The following AKAP7 variants were observed in gnomAD, a reference collection of about 807,000 sequenced individuals.
AKAP7 encodes the protein A kinase (PRKA) anchor protein 7.
Under a neutral mutation model 39.5 loss-of-function variants are expected in AKAP7, and 39 were observed. The ratio of observed to expected loss-of-function variants is 0.99; its 90% CI spans 0.76 to 1.29. The LOEUF (loss-of-function observed/expected upper bound fraction) is 1.29, where lower values mean the gene tolerates loss of function less well. AKAP7 is among the 50% of genes most tolerant of loss of function. AKAP7 has a pLI of 0.00. For synonymous variants in AKAP7, 140 were observed against 139.1 expected (o/e 1.01, Z -0.05); for missense variants, 414 against 407.7 (o/e 1.02, Z -0.13).
At chr6:131,238,391 G>C (rs997076348) in intron 7 of AKAP7, among the ~76,000 whole-genome samples, 2 of 152,134 alleles carry the variant, frequency 1.3e-5, no homozygotes, top group Non-Finnish European at 2.9e-5. Context: ...TGTTGATTTG[G>C]GGTAGAGAGT....
intron 7 of AKAP7, among the ~76,000 whole-genome samples, chr6:131,256,922 A>G (rs1812912283): frequency 6.7e-6 from 1 of 150,112 alleles, no homozygotes; most frequent in African/African-American, 2.4e-5. Flanking sequence ...TAAAAAATAA[A>G]AGATAAGCAG....
Position 131,281,855 on chromosome 6 carries a change from A to G in AKAP7, c.*129A>G. On this transcript the variant is annotated 3_prime_UTR_variant, in exon 8 of 8. Coordinates refer to ENST00000431975, the MANE Select transcript of AKAP7 (RefSeq NM_016377.4). The surrounding 1 kb of genome is among the most constrained non-coding windows in gnomAD (Gnocchi z 4.0). Reference sequence around the variant, plus strand: ...GTGCAATCTGTGAAGATTGCCTAATACTTTTCATGATCGATGTGTTCGCAT... The same window carrying G: ...GTGCAATCTGTGAAGATTGCCTAATGCTTTTCATGATCGATGTGTTCGCAT... The G allele has an allele frequency of 7.7e-7, 1 of 1,301,804 alleles. No homozygotes were observed. 80.6% of individuals were successfully genotyped at this position (1,301,804 alleles called of 1,614,324 possible).
At chr6:131,249,123 C>T (rs777059095) in intron 7 of AKAP7, among the ~76,000 whole-genome samples, 1 of 152,080 alleles carries the variant, frequency 6.6e-6, no homozygotes, top group African/African-American at 2.4e-5. Flanking sequence ...ATAGACCTGC[C>T]AGTTTAATCA....
intron 2 of AKAP7, among the ~76,000 whole-genome samples, chr6:131,159,483 TAAAAG>T (rs751916529): frequency 1.1e-4 from 17 of 152,170 alleles, no homozygotes; most frequent in African/African-American, 2.2e-4. Context: ...GAAAATGAAA[TAAAAG>T]AAAAGACCTA....
rs1162098710 is a variant in AKAP7 at position 131,241,611 on chromosome 6, G to GTATATATATATA, written c.850+21804_850+21805insATATATATATAT. ...TGTGTGTGTGTGTGTGTGTGTGTGTGTGTGTGTGTGTGTGTGTATATATAT... is the reference window on the plus strand; with the variant it reads ...TGTGTGTGTGTGTGTGTGTGTGTGTGTATATATATATATGTGTGTGTGTGTGTGTATATATAT... On this transcript the variant is annotated intron_variant, in intron 7 of 7. Transcript: ENST00000431975. Among the ~76,000 whole-genome samples, 362 of 99,700 alleles carry GTATATATATATA rather than the reference G, an allele frequency of 3.6e-3. 7 individuals carry two copies. Among genetic ancestry groups the GTATATATATATA allele is most frequent in the Middle Eastern group, 0.019 (3 of 160 alleles). 65.4% of individuals were successfully genotyped at this position (99,700 alleles called of 152,430 possible).
chr6:131,167,577 A>G (rs906455592), intron 4 of AKAP7, among the ~76,000 whole-genome samples: 1 of 152,204 alleles, frequency 6.6e-6, no homozygotes, highest in Non-Finnish European at 1.5e-5. Context: ...TTGGATGAAC[A>G]TAACTACAGT....
At chr6:131,187,956 A>G (rs1209159) in intron 5 of AKAP7, among the ~76,000 whole-genome samples, 45,710 of 152,062 alleles carry the variant, frequency 0.3, 7,461 homozygotes, top group Non-Finnish European at 0.36. Flanking sequence ...CACTTTTACT[A>G]TCAGTGTTAA....
chr6:131,153,645 G>A (rs1802140813), intron 2 of AKAP7, among the ~76,000 whole-genome samples: 1 of 152,052 alleles, frequency 6.6e-6, no homozygotes, highest in South Asian at 2.1e-4. Flanking sequence ...AAATAGGTAA[G>A]GTAGAAAACA....
At chr6:131,129,632 T>C in the AKAP7 span, among the ~76,000 whole-genome samples, 6 of 152,258 alleles carry the variant, frequency 3.9e-5, no homozygotes, top group Admixed American at 2.6e-4. Context: ...TATTAAATAT[T>C]ATCAGGCCCT....
chr6:131,161,580 GGTTGCA>G (rs1238094734), intron 3 of AKAP7, among the ~76,000 whole-genome samples: 2 of 139,158 alleles, frequency 1.4e-5, no homozygotes, highest in African/African-American at 5.3e-5. Context: ...AGGAGGCAGA[GGTTGCA>G]GTGAGCCAAG....
chr6:131,182,185 A>G (rs1332082255), intron 5 of AKAP7, among the ~76,000 whole-genome samples: 1 of 152,164 alleles, frequency 6.6e-6, no homozygotes, highest in Non-Finnish European at 1.5e-5. Flanking sequence ...TACCATCTTA[A>G]CTTTTTTTAA....
chr6:131,203,018 TCAGTAAATGC>T (rs966052663), intron 6 of AKAP7, among the ~76,000 whole-genome samples: 31 of 152,062 alleles, frequency 2.0e-4, no homozygotes, highest in Non-Finnish European at 1.5e-5. Flanking sequence ...CTTTTGATGT[TCAGTAAATGC>T]CATATATGGT....
intron 7 of AKAP7, among the ~76,000 whole-genome samples, chr6:131,271,781 G>A (rs1426483963): frequency 2.0e-5 from 3 of 152,148 alleles, no homozygotes; most frequent in Non-Finnish European, 4.4e-5. Flanking sequence ...TAGGGAGTCT[G>A]TTTAGAATAA....
chr6:131,145,977 G>T (rs917762298), intron 2 of AKAP7, among the ~76,000 whole-genome samples: 18 of 152,126 alleles, frequency 1.2e-4, no homozygotes, highest in Non-Finnish European at 1.3e-4. Context: ...GTCACAAAAT[G>T]TTGAGCCAGC....
intron 1 of AKAP7, 73 bp from the exon 2 acceptor site, chr6:131,145,212 A>T (rs921416164): frequency 9.4e-7 from 1 of 1,063,394 alleles, no homozygotes; most frequent in Admixed American, 3.5e-5. Flanking sequence ...GAGCTGAGTT[A>T]TTTTCATTTA....
At chr6:131,260,166 GGTGTAT>G (rs1271474438) in intron 7 of AKAP7, among the ~76,000 whole-genome samples, 2 of 152,016 alleles carry the variant, frequency 1.3e-5, no homozygotes, top group Non-Finnish European at 2.9e-5. Flanking sequence ...AGTATTCCAT[GGTGTAT>G]ATGTACCACA....
intron 3 of AKAP7, among the ~76,000 whole-genome samples, chr6:131,161,674 A>AAAAAAAAAAAAAAAAAAAAAAAAT: frequency 6.8e-6 from 1 of 147,652 alleles, no homozygotes; most frequent in Non-Finnish European, 1.5e-5. Flanking sequence ...AAAAAAAAAA[A>AAAAAAAAAAAAAAAAAAAAAAAAT]AAAAAAAAAA....
chr6:131,145,275 T>C lies in AKAP7; in HGVS notation c.20-10T>C, dbSNP rs944332745. 2.5e-5 allele frequency: 35 copies of C among 1,419,856 alleles called. No homozygotes were observed. Among genetic ancestry groups the C allele is most frequent in the Non-Finnish European group, 3.1e-5 (33 of 1,065,262 alleles). The allele number at this position is 1,419,856 out of a possible 1,614,324, so 88.0% of individuals were successfully genotyped here. A position where few individuals can be genotyped will look rare whatever the true frequency, so the allele number is the denominator to read the frequency against. On this transcript the variant is annotated splice_polypyrimidine_tract_variant and intron_variant, in intron 1 of 7. Transcript: ENST00000431975. ...ATAATCCTTTTTTTTCTGTTTGTGATATGTTAAAGGAGGAATTAATTCCAA... is the reference window on the plus strand; with the variant it reads ...ATAATCCTTTTTTTTCTGTTTGTGACATGTTAAAGGAGGAATTAATTCCAA...
chr6:131,250,209 C>G, intron 7 of AKAP7: 1 of 1,009,202 alleles, frequency 9.9e-7, no homozygotes, highest in Non-Finnish European at 1.2e-6. Context: ...TTTTTCTCGA[C>G]TACCTTTCTT....
Sources: allele counts gnomAD v4.1 joint callset (sites outside exome capture counted in the v4.1 genomes callset), GRCh38; gene constraint gnomAD v4.1.1; non-coding constraint Gnocchi (gnomAD v3.1); transcripts MANE v1.5; gene names NCBI Gene and HGNC (gene_info 2026-07-23, HGNC 2026-07-21).